The following UNC5B variants were observed in gnomAD, a reference collection of about 807,000 sequenced individuals.
The protein encoded by UNC5B is unc-5 netrin receptor B.
UNC5B carries 56 observed loss-of-function variants against 103.7 expected under a neutral mutation model. The ratio of observed to expected loss-of-function variants is 0.54; its 90% CI spans 0.44 to 0.67. The LOEUF (loss-of-function observed/expected upper bound fraction) is 0.67. UNC5B is among the 30% of genes least tolerant of loss of function. The pLI is 0.00. For missense variants in UNC5B, 1,194 were observed against 1,284.5 expected, an observed-to-expected ratio of 0.93 and a Z score of 1.08; for synonymous variants, 577 against 542.0, an observed-to-expected ratio of 1.06 and a Z score of -0.90.
At chr10:71,224,719 G>T (rs1383737047) in intron 1 of UNC5B, among the ~76,000 whole-genome samples, 1 of 152,190 alleles carries the variant, frequency 6.6e-6, no homozygotes, top group Non-Finnish European at 1.5e-5. Flanking sequence ...AAATGGGCAT[G>T]GTCAGTGAAG....
At chr10:71,221,521 T>C (rs1302370592) in intron 1 of UNC5B, among the ~76,000 whole-genome samples, 1 of 152,212 alleles carries the variant, frequency 6.6e-6, no homozygotes, top group African/African-American at 2.4e-5. Flanking sequence ...TAAAACCTGA[T>C]GCACATGCCC....
In UNC5B at chr10:71,216,150, A is replaced by G. The variant is rs562580125; in HGVS notation, c.79+3086A>G. ...CTTGCCCAAGGTCACACTGGGACTC[A>G]CCGGTAGCGCCAGGACTTGAACTGA... is the stretch of plus-strand genomic sequence containing the variant. On this transcript the variant is annotated intron_variant, in intron 1 of 16. Coordinates refer to ENST00000335350, the MANE Select transcript of UNC5B (RefSeq NM_170744.5). Among the ~76,000 whole-genome samples, 325 of 152,218 alleles carry G rather than the reference A, an allele frequency of 2.1e-3. 3 individuals are homozygous for G. The highest frequency in any genetic ancestry group is 0.014 in the Middle Eastern group (4 of 294).
Position 71,285,331 on chromosome 10 carries a change from C to T in UNC5B, c.454C>T (p.Arg152Cys), listed in dbSNP as rs1845044620. 6 of 1,609,714 alleles carry T rather than the reference C, an allele frequency of 3.7e-6. No individual in the cohort carries two copies. Among genetic ancestry groups the T allele is most frequent in the African/African-American group, 1.3e-5 (1 of 74,910 alleles). Residue 152 changes from arginine (R) to cysteine (C), a missense_variant, in exon 4 of 17, where the codon CGC (arginine) becomes TGC (cysteine). By Grantham distance (180) the Arg-to-Cys change is radical. Transcript: ENST00000335350. ...RRAYVRIAYL[R>C]KNFDQEPLGK... ...GACCCTCTCGCTTCTCCCAGACCTG[C>T]GCAAGAACTTCGATCAGGAGCCTCT...
At chr10:71,234,722 A>G (rs1564709907) in intron 1 of UNC5B, among the ~76,000 whole-genome samples, 1 of 152,292 alleles carries the variant, frequency 6.6e-6, no homozygotes, top group South Asian at 2.1e-4. Context: ...TGCAGCTAGA[A>G]TACTTGGCCA....
chr10:71,226,310 A>G (rs978781086), intron 1 of UNC5B, among the ~76,000 whole-genome samples: 8 of 152,230 alleles, frequency 5.3e-5, no homozygotes, highest in Admixed American at 1.3e-4. Context: ...CCTGACCTCA[A>G]GTGATCCGCT....
chr10:71,291,681 TC>T lies in UNC5B; in HGVS notation c.1545del (p.Phe515LeufsTer87). 1.2e-6 allele frequency: 2 copies of T among 1,613,548 alleles called. No homozygotes were observed. Among genetic ancestry groups the T allele is most frequent in the Non-Finnish European group, 1.7e-6 (2 of 1,180,036 alleles). On this transcript the variant is annotated frameshift_variant, in exon 10 of 17. Coordinates refer to ENST00000335350, the MANE Select transcript of UNC5B (RefSeq NM_170744.5). LOFTEE classifies it high-confidence loss of function. ...CCGCCTGGCACATACCCTAGCGATT[TC>T]GCCCGGGACACCCACTTCCTGCACC... ...VLPPGTYPSD[F>X]ARDTHFLHLR... is the part of the protein sequence containing the mutation.
chr10:71,271,991 A>G (rs1589182595), intron 1 of UNC5B, among the ~76,000 whole-genome samples: 2 of 151,970 alleles, frequency 1.3e-5, no homozygotes, highest in Non-Finnish European at 1.5e-5. Context: ...CCCTGCCTGA[A>G]CCCCACAGCC....
intron 1 of UNC5B, among the ~76,000 whole-genome samples, chr10:71,270,369 AGGGT>A (rs1333442762): frequency 1.4e-3 from 6 of 4,272 alleles, no homozygotes; most frequent in African/African-American, 2.7e-3. Flanking sequence ...GGAGGGAGGG[AGGGT>A]GGGAGGCAGG....
rs1564515245 is a variant in UNC5B at position 71,295,796 on chromosome 10, G to A, written c.2176-15G>A. ...GGTGTGATGGGTTCCCCTTCCCCAT[G>A]CCCCTGGCCCACAGGAGGTGCTGGA... On this transcript the variant is annotated splice_polypyrimidine_tract_variant and intron_variant, in intron 13 of 16. Transcript: ENST00000335350. 8.1e-6 allele frequency: 13 copies of A among 1,609,798 alleles called. No individual in the cohort carries two copies.
Position 71,213,458 on chromosome 10 carries a change from G to A in UNC5B, c.79+394G>A, listed in dbSNP as rs1211319071. Among the ~76,000 whole-genome samples the A allele has an allele frequency of 6.6e-6, 1 of 152,102 alleles. No individual in the cohort carries two copies. Among genetic ancestry groups the A allele is most frequent in the Non-Finnish European group, 1.5e-5 (1 of 68,020 alleles). On this transcript the variant is annotated intron_variant, in intron 1 of 16. Transcript: ENST00000335350. This position sits in a 1 kb window ranked among gnomAD's most constrained non-coding sequence, Gnocchi z 4.1. ...GCAAGGTGTGCGCTCGCTGCCGTAC[G>A]CCGGTAACTTACTAGTCTGGTCCCG... is the stretch of plus-strand genomic sequence containing the variant.
chr10:71,280,794 A>T (rs1453627953), intron 2 of UNC5B, among the ~76,000 whole-genome samples: 1 of 152,226 alleles, frequency 6.6e-6, no homozygotes, highest in Non-Finnish European at 1.5e-5. Context: ...TTGATAGTGC[A>T]GGAGCCCTCG....
intron 1 of UNC5B, among the ~76,000 whole-genome samples, chr10:71,260,009 A>G (rs1230411504): frequency 1.3e-5 from 2 of 152,174 alleles, no homozygotes; most frequent in Non-Finnish European, 2.9e-5. Context: ...GGGGACAAAC[A>G]AGCCAACTGC....
chr10:71,243,858 T>C (rs894667584), intron 1 of UNC5B, among the ~76,000 whole-genome samples: 2 of 152,268 alleles, frequency 1.3e-5, no homozygotes, highest in Non-Finnish European at 2.9e-5. Flanking sequence ...TACCAGGCAC[T>C]GCGTGAAGGA....
chr10:71,265,479 G>A (rs371079284), intron 1 of UNC5B, among the ~76,000 whole-genome samples: 2 of 152,178 alleles, frequency 1.3e-5, no homozygotes, highest in East Asian at 1.9e-4. Flanking sequence ...AAAGAGACGC[G>A]TGAACTAAGA....
chr10:71,236,005 C>A (rs887475904), intron 1 of UNC5B, among the ~76,000 whole-genome samples: 2 of 152,216 alleles, frequency 1.3e-5, no homozygotes, highest in African/African-American at 4.8e-5. Flanking sequence ...CGCTGTGTGA[C>A]GTTAGGCAAG....
intron 1 of UNC5B, among the ~76,000 whole-genome samples, chr10:71,242,978 A>G (rs1450360387): frequency 6.6e-6 from 1 of 152,116 alleles, no homozygotes; most frequent in East Asian, 1.9e-4. Flanking sequence ...CAGGCCTGTA[A>G]TCCCAGCACT....
At chr10:71,253,614 C>T (rs1017049546) in intron 1 of UNC5B, among the ~76,000 whole-genome samples, 6 of 152,164 alleles carry the variant, frequency 3.9e-5, no homozygotes, top group Non-Finnish European at 7.3e-5. Flanking sequence ...GCTTTGTCTC[C>T]CTCTCCCCTG....
intron 1 of UNC5B, among the ~76,000 whole-genome samples, chr10:71,235,224 C>T (rs961941055): frequency 5.3e-5 from 8 of 152,330 alleles, no homozygotes; most frequent in African/African-American, 1.4e-4. Flanking sequence ...GACAGCCCCT[C>T]GCTAGGGGAG....
intron 1 of UNC5B, among the ~76,000 whole-genome samples, chr10:71,242,915 A>G (rs1371610830): frequency 6.6e-6 from 1 of 152,112 alleles, no homozygotes; most frequent in Non-Finnish European, 1.5e-5. Context: ...GGAACACCCA[A>G]TGAGGACCTC....
Sources: allele counts gnomAD v4.1 joint callset (sites outside exome capture counted in the v4.1 genomes callset), GRCh38; gene constraint gnomAD v4.1.1; non-coding constraint Gnocchi (gnomAD v3.1); transcripts MANE v1.5; gene names NCBI Gene and HGNC (gene_info 2026-07-23, HGNC 2026-07-21).